Variants in BCKDHB observed in about 807,000 individuals in gnomAD.
The protein encoded by BCKDHB is 2-oxoisovalerate dehydrogenase subunit beta, mitochondrial.
Under a neutral mutation model 48.5 loss-of-function variants are expected in BCKDHB, and 41 were observed. That is an observed-to-expected ratio of 0.85 (90% CI 0.66 to 1.10). The LOEUF is 1.10. Among genes scored for constraint, BCKDHB ranks in the 50% least tolerant of loss-of-function variants. The pLI is 0.00. For missense variants in BCKDHB, 496 were observed against 494.2 expected (o/e 1.00, Z -0.03); for synonymous variants, 201 against 174.8 (o/e 1.15, Z -1.18).
the BCKDHB span, among the ~76,000 whole-genome samples, chr6:80,429,299 G>T: frequency 2.9e-4 from 44 of 152,284 alleles, no homozygotes; most frequent in Middle Eastern, 3.4e-3. Flanking sequence ...TTGAGTTCAG[G>T]TAGCATGATG....
intron 9 of BCKDHB, among the ~76,000 whole-genome samples, chr6:80,293,974 C>T (rs1349093661): frequency 6.6e-6 from 1 of 152,222 alleles, no homozygotes; most frequent in Non-Finnish European, 1.5e-5. Flanking sequence ...ATATCACTAT[C>T]CGCATTTTGG....
intron 3 of BCKDHB, among the ~76,000 whole-genome samples, chr6:80,146,183 A>G (rs935380700): frequency 6.6e-6 from 1 of 152,134 alleles, no homozygotes; most frequent in Non-Finnish European, 1.5e-5. Context: ...TGTGCGGCCA[A>G]GTTTGAGAAC....
intron 6 of BCKDHB, among the ~76,000 whole-genome samples, chr6:80,178,180 A>C (rs1417411307): frequency 1.3e-5 from 2 of 152,304 alleles, no homozygotes; most frequent in Non-Finnish European, 2.9e-5. Flanking sequence ...ACGTGGAGTC[A>C]GAGTTTAACT....
chr6:80,314,672 A>G (rs113395668), intron 9 of BCKDHB, among the ~76,000 whole-genome samples: 3 of 152,172 alleles, frequency 2.0e-5, no homozygotes, highest in Non-Finnish European at 2.9e-5. Context: ...TGGACTCTTC[A>G]AAGCCCGCAG....
chr6:80,177,990 C>T, intron 6 of BCKDHB, among the ~76,000 whole-genome samples: 1 of 152,174 alleles, frequency 6.6e-6, no homozygotes, highest in East Asian at 1.9e-4. Context: ...ACTGGTTAAC[C>T]TGGGCACCTC....
chr6:80,152,668 C>T (rs1305316084), intron 3 of BCKDHB, among the ~76,000 whole-genome samples: 5 of 152,162 alleles, frequency 3.3e-5, no homozygotes, highest in Non-Finnish European at 7.3e-5. Flanking sequence ...TTAAGAAACA[C>T]TAGTAGTTGA....
intron 6 of BCKDHB, among the ~76,000 whole-genome samples, chr6:80,189,882 G>T (rs1358918319): frequency 6.6e-6 from 1 of 151,980 alleles, no homozygotes; most frequent in Non-Finnish European, 1.5e-5. Flanking sequence ...ATGAATTCTA[G>T]CTAATTTATA....
chr6:80,259,341 T>C (rs1350027070), intron 8 of BCKDHB, among the ~76,000 whole-genome samples: 1 of 152,220 alleles, frequency 6.6e-6, no homozygotes, highest in African/African-American at 2.4e-5. Context: ...AGAATTACGG[T>C]TGGCAGTCCC....
chr6:80,205,131 C>A (rs980818937), intron 8 of BCKDHB, among the ~76,000 whole-genome samples: 5 of 151,870 alleles, frequency 3.3e-5, no homozygotes, highest in Admixed American at 1.3e-4. Flanking sequence ...TTTGATGTAT[C>A]AAAAGAGGTA....
At chr6:80,160,011 G>T (rs560002249) in intron 3 of BCKDHB, among the ~76,000 whole-genome samples, 1 of 152,266 alleles carries the variant, frequency 6.6e-6, no homozygotes, top group African/African-American at 2.4e-5. Context: ...TTTTATCCCA[G>T]ATAGATTTAA....
chr6:80,184,538 T>C (rs1562117501), intron 6 of BCKDHB, among the ~76,000 whole-genome samples: 1 of 152,176 alleles, frequency 6.6e-6, no homozygotes, highest in Non-Finnish European at 1.5e-5. Context: ...TTGTGAGATT[T>C]ATACTTTATA....
intron 1 of BCKDHB, among the ~76,000 whole-genome samples, chr6:80,118,808 T>C (rs1267374588): frequency 6.6e-6 from 1 of 152,148 alleles, no homozygotes; most frequent in Non-Finnish European, 1.5e-5. Flanking sequence ...AAGTAATAGA[T>C]TCCATCTCAA....
intron 9 of BCKDHB, among the ~76,000 whole-genome samples, chr6:80,290,783 TAGAC>T: frequency 6.6e-6 from 1 of 152,356 alleles, no homozygotes; most frequent in South Asian, 2.1e-4. Context: ...GGCTACTCCA[TAGAC>T]AGAGCAGCCC....
At chr6:80,273,095 G>T (rs1279536898) in intron 8 of BCKDHB, 40 bp from the exon 9 acceptor site, 3 of 1,435,470 alleles carry the variant, frequency 2.1e-6, no homozygotes, top group Non-Finnish European at 2.9e-6. Flanking sequence ...ATATAAAATA[G>T]ATATTCTTTT....
chr6:80,310,599 T>C (rs765811767), intron 9 of BCKDHB, among the ~76,000 whole-genome samples: 8 of 152,338 alleles, frequency 5.3e-5, no homozygotes, highest in Admixed American at 2.6e-4. Context: ...ACCATTTATA[T>C]TCCTTTGGGT....
intron 3 of BCKDHB, among the ~76,000 whole-genome samples, chr6:80,160,445 A>T (rs1772258284): frequency 6.6e-6 from 1 of 152,198 alleles, no homozygotes; most frequent in African/African-American, 2.4e-5. Flanking sequence ...GGCCTGAACC[A>T]TCACACCGGC....
At chr6:80,409,779 G>T in the BCKDHB span, among the ~76,000 whole-genome samples, 2 of 151,220 alleles carry the variant, frequency 1.3e-5, no homozygotes, top group Non-Finnish European at 3.0e-5. Context: ...TTACTTCATA[G>T]ATTTTCCTCT....
At chr6:80,419,280 C>A in the BCKDHB span, among the ~76,000 whole-genome samples, 2 of 152,126 alleles carry the variant, frequency 1.3e-5, no homozygotes, top group African/African-American at 2.4e-5. Context: ...GCTTTAGGGG[C>A]CACCATGCTG....
chr6:80,217,183 G>A (rs1775211857), intron 8 of BCKDHB, among the ~76,000 whole-genome samples: 1 of 152,130 alleles, frequency 6.6e-6, no homozygotes, highest in Admixed American at 6.5e-5. Context: ...AGAGGTTGCA[G>A]TGAGCCGAGA....
Sources: gnomAD v4.1 joint callset for allele counts (sites outside exome capture counted in the v4.1 genomes callset) on GRCh38, gnomAD v4.1.1 for gene constraint, MANE v1.5 for transcripts, NCBI Gene and HGNC (gene_info 2026-07-23, HGNC 2026-07-21) for gene names.